ST13: variants seen among roughly 807,000 people sequenced by gnomAD.
The protein encoded by ST13 is ST13 Hsp70 interacting protein, also known as hsc70-interacting protein.
ST13 carries 23 observed loss-of-function variants against 56.7 expected under a neutral mutation model. That is an observed-to-expected ratio of 0.41 (90% CI 0.29 to 0.57). ST13 has a LOEUF of 0.57. Among genes scored for constraint, ST13 ranks in the 20% least tolerant of loss-of-function variants. The pLI is 0.36. For missense variants in ST13, 369 were observed against 459.9 expected (o/e 0.80, Z 1.81); for synonymous variants, 132 against 142.4 (o/e 0.93, Z 0.52).
chr22:40,827,821 A>G (rs2145730502), intron 10 of ST13, among the ~76,000 whole-genome samples: 2 of 152,222 alleles, frequency 1.3e-5, no homozygotes, highest in African/African-American at 4.8e-5. Context: ...TTCTAGTAAT[A>G]ACACTGTTAA....
chr22:40,829,787 T>C, intron 9 of ST13, 113 bp from the exon 10 acceptor site: 1 of 473,288 alleles, frequency 2.1e-6, no homozygotes, highest in African/African-American at 2.0e-5. Flanking sequence ...TAGATGGCAA[T>C]ACTGAACTGA....
At position 40,826,609 on chromosome 22, in the gene ST13, T is replaced by C. The variant is rs762300377; in HGVS notation, c.1039A>G (p.Lys347Glu). The C allele has an allele frequency of 6.8e-6, 11 of 1,605,884 alleles. No individual in the cohort carries two copies. Among genetic ancestry groups the C allele is most frequent in the African/African-American group, 2.7e-5 (2 of 74,922 alleles). ...DVAQNPANMS[K>E]YQSNPKVMNL... The stretch of plus-strand genomic sequence containing the variant: ...ATAACCTTTGGGTTGCTCTGGTATT[T>C]TGACATATTTGCTGGGTTCTGAGCC... Residue 347 changes from lysine (K) to glutamate (E), a missense_variant, in exon 12 of 12, where the codon AAA becomes GAA. Around this residue, in one of 3 missense-constraint regions of ST13, gnomAD observed 136 missense variants for 159.2 expected, o/e 0.85. Coordinates refer to ENST00000216218, the MANE Select transcript of ST13 (RefSeq NM_003932.5).
At chr22:40,837,858 G>T (rs2057785171) in intron 5 of ST13, among the ~76,000 whole-genome samples, 1 of 152,156 alleles carries the variant, frequency 6.6e-6, no homozygotes, top group Non-Finnish European at 1.5e-5. Context: ...GTGTTGACCA[G>T]GCTGATCTTG....
At chr22:40,836,887 C>T (rs1045592282) in intron 5 of ST13, among the ~76,000 whole-genome samples, 2 of 152,144 alleles carry the variant, frequency 1.3e-5, no homozygotes, top group African/African-American at 4.8e-5. Context: ...GGCTAGAGTA[C>T]AGTGGCATGA....
chr22:40,832,146 G>A (rs1203708826), intron 8 of ST13: 2 of 469,718 alleles, frequency 4.3e-6, no homozygotes, highest in Non-Finnish European at 8.8e-6. Flanking sequence ...GAGCCACCGC[G>A]CCTGGCCGGA....
At chr22:40,838,750 G>A (rs2057788849) in intron 5 of ST13, among the ~76,000 whole-genome samples, 1 of 152,148 alleles carries the variant, frequency 6.6e-6, no homozygotes, top group Non-Finnish European at 1.5e-5. Context: ...GGCAGAGTAA[G>A]ACTCTGTCTC....
At position 40,830,845 on chromosome 22, in the gene ST13, G is replaced by C; in HGVS notation, c.793C>G (p.Gln265Glu). 1 of 1,599,150 alleles carries C rather than the reference G, an allele frequency of 6.3e-7. No individual in the cohort carries two copies. The highest frequency in any genetic ancestry group is 2.2e-5 in the East Asian group (1 of 44,748). ...KKAREEHERA[Q>E]REEEARRQSG... ...CTTAGCTATAGGAAATTTACCCTCT[G>C]GGCTCTCTCATGCTCTTCTCGAGCC... Residue 265 changes from glutamine (Q) to glutamate (E), a missense_variant, in exon 9 of 12, where the codon CAG (glutamine) becomes GAG (glutamate). Physicochemically the swap from Gln to Glu is conservative, Grantham distance 29. Coordinates refer to ENST00000216218, the MANE Select transcript of ST13 (RefSeq NM_003932.5).
At chr22:40,829,371 C>A (rs962219179) in intron 10 of ST13, among the ~76,000 whole-genome samples, 2 of 152,130 alleles carry the variant, frequency 1.3e-5, no homozygotes, top group Non-Finnish European at 1.5e-5. Flanking sequence ...TTAGTCCTGT[C>A]CTCTGGTATT....
chr22:40,836,320 G>A (rs376890861), intron 5 of ST13, among the ~76,000 whole-genome samples: 4 of 152,170 alleles, frequency 2.6e-5, no homozygotes, highest in Admixed American at 6.5e-5. Flanking sequence ...GCGTGGGGGC[G>A]GAGCCCTGTA....
At chr22:40,827,334 C>A in intron 10 of ST13, 105 bp from the exon 11 acceptor site, 1 of 1,177,884 alleles carries the variant, frequency 8.5e-7, no homozygotes, top group Non-Finnish European at 1.2e-6. Flanking sequence ...CCACTAAGCA[C>A]AAAGTAGTCT....
rs2057724784 is a variant in ST13, at chr22:40,825,788, TC to T, written c.*749del. 6.6e-6 allele frequency: 1 copy of T among 152,180 alleles called. No individual in the cohort carries two copies. Among genetic ancestry groups the T allele is most frequent in the Admixed American group, 6.6e-5 (1 of 15,258 alleles). 9.4% of individuals were successfully genotyped at this position (152,180 alleles called of 1,614,324 possible). On this transcript the variant is annotated 3_prime_UTR_variant, in exon 12 of 12. Coordinates refer to ENST00000216218, the MANE Select transcript of ST13 (RefSeq NM_003932.5). ...ATAAAAAGAAAAGTACTACCTTATTTCCCTTACGTGGAAATAATATGAAAAA... is the reference window on the plus strand; with the variant it reads ...ATAAAAAGAAAAGTACTACCTTATTTCCTTACGTGGAAATAATATGAAAAA...
chr22:40,848,427 A>G, intron 2 of ST13, 58 bp from the exon 3 acceptor site: 1 of 1,156,252 alleles, frequency 8.6e-7, no homozygotes, highest in Admixed American at 1.7e-5. Context: ...GAATATTTAT[A>G]CTAATTTCTA....
At chr22:40,835,751 A>C in intron 6 of ST13, 52 bp downstream of exon 6, 1 of 1,599,298 alleles carries the variant, frequency 6.3e-7, no homozygotes, top group Non-Finnish European at 8.6e-7. Context: ...CTATTTAAAC[A>C]AATGTGCAGA....
intron 1 of ST13, among the ~76,000 whole-genome samples, chr22:40,851,778 C>T (rs1157588199): frequency 6.9e-6 from 1 of 143,990 alleles, no homozygotes; most frequent in Non-Finnish European, 1.6e-5. Context: ...TGGAGTCTTG[C>T]TCTGTCACCC....
intron 1 of ST13, among the ~76,000 whole-genome samples, chr22:40,854,269 C>T (rs1375388839): frequency 1.3e-5 from 2 of 152,088 alleles, no homozygotes; most frequent in Admixed American, 6.5e-5. Context: ...CTGACACAAA[C>T]GCAAAGGCCT....
Position 40,829,668 on chromosome 22 carries a change from C to A in ST13, c.805G>T (p.Glu269Ter). The change falls in exon 10 of 12, where the codon GAA becomes TAA. Residue 269 changes from glutamate (E) to a stop codon, truncating the protein, a stop_gained. Transcript: ENST00000216218. LOFTEE classifies it high-confidence loss of function. ...TGAGCTCCTGACTGTCGTCTGGCTTCTTCCTCCTTTGATACAAAAGGAAAT... is the reference window on the plus strand; with the variant it reads ...TGAGCTCCTGACTGTCGTCTGGCTTATTCCTCCTTTGATACAAAAGGAAAT... Reference protein sequence around the residue: ...EEHERAQREEEARRQSGAQYG... With the variant: ...EEHERAQREE 1 of 1,484,584 alleles carries A rather than the reference C, an allele frequency of 6.7e-7. No homozygotes were observed. The highest frequency in any genetic ancestry group is 2.3e-5 in the East Asian group (1 of 42,654). 92.0% of individuals were successfully genotyped at this position (1,484,584 alleles called of 1,614,324 possible).
At chr22:40,845,410 C>T (rs1355751064) in intron 3 of ST13, among the ~76,000 whole-genome samples, 2 of 152,040 alleles carry the variant, frequency 1.3e-5, no homozygotes, top group African/African-American at 2.4e-5. Flanking sequence ...AGAAATCCTC[C>T]CACCTCGGCC....
rs534879047 is a variant in ST13, at chr22:40,846,928, G to A, written c.244+1366C>T. Among the ~76,000 whole-genome samples, 5 of 152,206 alleles carry A rather than the reference G, an allele frequency of 3.3e-5. No homozygotes were observed. In the South Asian group the frequency reaches 1.0e-3, roughly 32 times the overall value. The stretch of plus-strand genomic sequence containing the variant: ...GAGACTCGCTTGAACCCAGGAGGGA[G>A]AGGTTGCAGTGAGCCGAAACTGTGC... On this transcript the variant is annotated intron_variant, in intron 3 of 11. Coordinates refer to ENST00000216218, the MANE Select transcript of ST13 (RefSeq NM_003932.5).
chr22:40,853,595 C>T (rs542898991), intron 1 of ST13, among the ~76,000 whole-genome samples: 86 of 152,256 alleles, frequency 5.6e-4, no homozygotes, highest in African/African-American at 2.0e-3. Context: ...CATAGGACCA[C>T]ATAAAACTTC....
Sources: allele counts gnomAD v4.1 joint callset (sites outside exome capture counted in the v4.1 genomes callset), GRCh38; gene constraint gnomAD v4.1.1; regional missense constraint gnomAD v4.1.1; transcripts MANE v1.5; gene names NCBI Gene and HGNC (gene_info 2026-07-23, HGNC 2026-07-21).